PLA2G6: variants seen among roughly 807,000 people sequenced by gnomAD.
PLA2G6 encodes the protein phospholipase A2 group VI.
PLA2G6 carries 62 observed loss-of-function variants against 83.8 expected under a neutral mutation model. That is an observed-to-expected ratio of 0.74 (90% CI 0.60 to 0.91). The LOEUF (loss-of-function observed/expected upper bound fraction) is 0.91, where lower values mean the gene tolerates loss of function less well. Among genes scored for constraint, PLA2G6 ranks in the 40% least tolerant of loss-of-function variants. The probability of loss-of-function intolerance (pLI) is 0.00; values close to 1 mark genes in which losing one functional copy is unlikely to be tolerated. For missense variants in PLA2G6, 944 were observed against 1,102.0 expected (o/e 0.86, Z 2.03); for synonymous variants, 417 against 449.8 (o/e 0.93, Z 0.92).
chr22:38,114,683 CTCTG>C (rs1043595991), intron 14 of PLA2G6, among the ~76,000 whole-genome samples: 11 of 152,222 alleles, frequency 7.2e-5, no homozygotes, highest in African/African-American at 2.7e-4. Context: ...GAGGGCGCTT[CTCTG>C]TCTGCCCAGA....
chr22:38,166,069 G>A (rs929700267), intron 2 of PLA2G6, among the ~76,000 whole-genome samples: 7 of 152,136 alleles, frequency 4.6e-5, no homozygotes, highest in East Asian at 1.9e-4. Flanking sequence ...CTGGAGAAGC[G>A]AGCCAGCAGC....
chr22:38,117,994 C>T (rs1264314943), intron 12 of PLA2G6, among the ~76,000 whole-genome samples: 2 of 150,642 alleles, frequency 1.3e-5, no homozygotes, highest in African/African-American at 4.9e-5. Flanking sequence ...CGAGATCGCG[C>T]CACTGCACTC....
chr22:38,133,037 T>G, intron 6 of PLA2G6, 24 bp from the exon 7 acceptor site: 1 of 1,549,946 alleles, frequency 6.5e-7, no homozygotes, highest in Non-Finnish European at 8.7e-7. Context: ...TCAGGCTGAG[T>G]TAGCACAGGC....
At chr22:38,145,309 G>C in intron 3 of PLA2G6, 129 bp downstream of exon 3, 1 of 810,680 alleles carries the variant, frequency 1.2e-6, no homozygotes, top group East Asian at 2.7e-5. Context: ...GACTGCGTTA[G>C]TGAGCGACCA....
Position 38,126,505 on chromosome 22 carries a change from C to A in PLA2G6, c.1349-56G>T, listed in dbSNP as rs531197938. The A allele has an allele frequency of 3.8e-6, 5 of 1,308,668 alleles. No homozygotes were observed. The South Asian group carries it at 4.7e-5, about 12-fold the overall frequency. The allele number at this position is 1,308,668 out of a possible 1,614,324, so 81.1% of individuals were successfully genotyped here. A position where few individuals can be genotyped will look rare whatever the true frequency, so the allele number is the denominator to read the frequency against. ...TCAGGTGGGTCCCCAAGCCCTGCTA[C>A]CCCAGAGGTCCCTAGATCAAACCTG... On this transcript the variant is annotated intron_variant, in intron 9 of 16. Transcript: ENST00000332509.
intron 11 of PLA2G6, among the ~76,000 whole-genome samples, chr22:38,121,860 C>A (rs2087545794): frequency 6.6e-6 from 1 of 152,180 alleles, no homozygotes; most frequent in Non-Finnish European, 1.5e-5. Context: ...ATGCTGGGAC[C>A]CTGAGGCTGG....
chr22:38,116,237 G>A lies in PLA2G6; in HGVS notation c.1743-26C>T, dbSNP rs11570751. The A allele has an allele frequency of 0.081, 130,605 of 1,612,500 alleles. 6,039 individuals carry two copies. The highest frequency in any genetic ancestry group is 0.21 in the East Asian group (9,506 of 44,824). ...CTGGAGAGAAATGAGGCAGGAGGAC[G>A]GCTGAGCCACCCGCCCATCCACCTT... On this transcript the variant is annotated intron_variant, in intron 12 of 16. Coordinates refer to ENST00000332509, the MANE Select transcript of PLA2G6 (RefSeq NM_003560.4).
At position 38,123,182 on chromosome 22, in the gene PLA2G6, T is replaced by G; in HGVS notation, c.1504A>C (p.Lys502Gln). The change falls in exon 11 of 17, where the codon AAG (lysine) becomes CAG (glutamine). Residue 502 changes from lysine to glutamine, a missense_variant. Physicochemically the swap from Lys to Gln is moderately conservative, Grantham distance 53. Transcript: ENST00000332509. The surrounding 1 kb of genome is among the most constrained non-coding windows in gnomAD (Gnocchi z 4.1). ...IIIQLLIAIE[K>Q]ASGVATKDLF... is the part of the protein sequence containing the mutation. Reference sequence around the variant, plus strand: ...TCCTTGGTGGCCACACCCGAGGCCTTCTCGATGGCGATGAGGAGCTGGATG... The same window carrying G: ...TCCTTGGTGGCCACACCCGAGGCCTGCTCGATGGCGATGAGGAGCTGGATG... The G allele has an allele frequency of 6.4e-7, 1 of 1,552,390 alleles. No individual in the cohort carries two copies. The highest frequency in any genetic ancestry group is 1.2e-5 in the South Asian group (1 of 84,064).
intron 5 of PLA2G6, 129 bp from the exon 6 acceptor site, chr22:38,135,213 A>C: frequency 1.4e-6 from 1 of 699,728 alleles, no homozygotes; most frequent in Non-Finnish European, 2.6e-6. Context: ...AGCAAACCCA[A>C]CCAGCACACT....
At chr22:38,154,660 G>A (rs2089705875) in intron 2 of PLA2G6, among the ~76,000 whole-genome samples, 2 of 152,284 alleles carry the variant, frequency 1.3e-5, no homozygotes, top group Admixed American at 1.3e-4. Context: ...ATACAAACAA[G>A]CCCAGACTGC....
At chr22:38,144,995 G>T (rs1158966385) in intron 3 of PLA2G6, 4 of 349,420 alleles carry the variant, frequency 1.1e-5, no homozygotes, top group Non-Finnish European at 1.1e-5. Flanking sequence ...ACATTACATT[G>T]TCCTTCTTAC....
rs1379971451 is a variant in PLA2G6 at position 38,148,673 on chromosome 22, C to T, written c.210-3020G>A. 9.1e-6 allele frequency: 6 copies of T among 657,634 alleles called. No homozygotes were observed. The South Asian group carries it at 1.0e-4, about 11-fold the overall frequency. 40.7% of individuals were successfully genotyped at this position (657,634 alleles called of 1,614,324 possible). The stretch of plus-strand genomic sequence containing the variant: ...ACATCTCTTACTTTGGGTTAGGGTC[C>T]TAAAGAACTACGTAGCCTAGGAATA... On this transcript the variant is annotated intron_variant, in intron 2 of 16. Coordinates refer to ENST00000332509, the MANE Select transcript of PLA2G6 (RefSeq NM_003560.4).
chr22:38,115,728 T>C, intron 13 of PLA2G6, 47 bp from the exon 14 acceptor site: 1 of 1,562,072 alleles, frequency 6.4e-7, no homozygotes, highest in Non-Finnish European at 8.7e-7. Flanking sequence ...GGGACTGGCA[T>C]AAAACCCATG....
chr22:38,153,293 A>C (rs986756891), intron 2 of PLA2G6, among the ~76,000 whole-genome samples: 3 of 152,182 alleles, frequency 2.0e-5, no homozygotes, highest in African/African-American at 7.2e-5. Context: ...TTAGCCAGGC[A>C]TGTGGCCGCC....
chr22:38,124,467 C>T lies in PLA2G6; in HGVS notation c.1428-1209G>A, dbSNP rs552777538. On this transcript the variant is annotated intron_variant, in intron 10 of 16. Transcript: ENST00000332509. ...ATCCTGCCTGTCCTCATTGGCCATG[C>T]CCTGGGGGAATGCCTTTGTGGTTGG... is the stretch of plus-strand genomic sequence containing the variant. 6.2e-4 allele frequency among the ~76,000 whole-genome samples: 94 copies of T among 152,128 alleles called. 1 individual carries two copies. The highest frequency in any genetic ancestry group is 1.1e-3 in the Non-Finnish European group (76 of 68,008).
intron 2 of PLA2G6, among the ~76,000 whole-genome samples, chr22:38,159,438 A>G (rs969810691): frequency 6.6e-6 from 1 of 152,158 alleles, no homozygotes; most frequent in African/African-American, 2.4e-5. Flanking sequence ...TTTAAGAAAG[A>G]AAGAATACAG....
intron 11 of PLA2G6, among the ~76,000 whole-genome samples, chr22:38,122,688 G>A (rs2087590976): frequency 6.6e-6 from 1 of 152,226 alleles, no homozygotes; most frequent in South Asian, 2.1e-4. Context: ...GGCATCCTGA[G>A]GCTCAGTGGC....
intron 1 of PLA2G6, among the ~76,000 whole-genome samples, chr22:38,169,787 G>A (rs2090362464): frequency 2.0e-5 from 3 of 152,224 alleles, no homozygotes; most frequent in Admixed American, 6.5e-5. Context: ...CACCTGTAGT[G>A]TGTGGTATTG....
intron 3 of PLA2G6, chr22:38,144,285 C>T (rs1327848335): frequency 6.6e-6 from 1 of 152,088 alleles, no homozygotes; most frequent in Non-Finnish European, 1.5e-5. Context: ...GCCCCTCTTT[C>T]ACCCTCTCTG....
Sources: allele counts gnomAD v4.1 joint callset (sites outside exome capture counted in the v4.1 genomes callset), GRCh38; gene constraint gnomAD v4.1.1; non-coding constraint Gnocchi (gnomAD v3.1); transcripts MANE v1.5; gene names NCBI Gene and HGNC (gene_info 2026-07-23, HGNC 2026-07-21).